The following GATB variants were observed in gnomAD, a reference collection of about 807,000 sequenced individuals.
The protein encoded by GATB is glutamyl-tRNA amidotransferase subunit B, also known as glutamyl-tRNA(Gln) amidotransferase subunit B, mitochondrial.
Under a neutral mutation model 62.3 loss-of-function variants are expected in GATB, and 39 were observed. That is an observed-to-expected ratio of 0.63 (90% CI 0.48 to 0.82). GATB has a LOEUF of 0.82. Ranked by LOEUF, GATB falls within the 40% of genes least tolerant of loss-of-function variation. GATB has a pLI of 0.00. For missense variants in GATB, 670 were observed against 684.0 expected, an observed-to-expected ratio of 0.98 and a Z score of 0.23; for synonymous variants, 276 against 258.9, an observed-to-expected ratio of 1.07 and a Z score of -0.63.
chr4:151,757,744 T>C (rs1171786453), intron 2 of GATB, among the ~76,000 whole-genome samples: 1 of 152,090 alleles, frequency 6.6e-6, no homozygotes, highest in Non-Finnish European at 1.5e-5. Context: ...TCCAAAGTGC[T>C]GGGATTACAG....
At chr4:151,716,570 G>A (rs1016827656) in intron 4 of GATB, among the ~76,000 whole-genome samples, 3 of 152,074 alleles carry the variant, frequency 2.0e-5, no homozygotes, top group Admixed American at 6.5e-5. Context: ...TAGGCTCCAC[G>A]TTTTGATTTT....
intron 9 of GATB, among the ~76,000 whole-genome samples, chr4:151,688,985 A>G (rs1738309785): frequency 6.6e-6 from 1 of 152,192 alleles, no homozygotes; most frequent in East Asian, 1.9e-4. Context: ...TCAAAAGGAT[A>G]AACACATTTT....
chr4:151,716,272 C>A (rs1038679753), intron 4 of GATB, 141 bp from the exon 5 acceptor site: 2 of 809,450 alleles, frequency 2.5e-6, no homozygotes, highest in African/African-American at 1.8e-5. Context: ...TCTCTTCCCT[C>A]CCACCTTTTT....
At chr4:151,702,824 A>T (rs1234402310) in intron 8 of GATB, among the ~76,000 whole-genome samples, 1 of 152,108 alleles carries the variant, frequency 6.6e-6, no homozygotes, top group Non-Finnish European at 1.5e-5. Context: ...TATTCAGAAG[A>T]AGTGGTGGTT....
chr4:151,747,889 G>A (rs1205836588), intron 2 of GATB, among the ~76,000 whole-genome samples: 2 of 152,130 alleles, frequency 1.3e-5, no homozygotes, highest in East Asian at 3.8e-4. Context: ...AACACAGGAA[G>A]AAAACGGTGC....
intron 6 of GATB, among the ~76,000 whole-genome samples, chr4:151,706,795 C>T (rs1488616091): frequency 6.6e-6 from 1 of 152,226 alleles, no homozygotes; most frequent in Admixed American, 6.5e-5. Context: ...ATTTTGGCTA[C>T]AGCAAAACTT....
At chr4:151,732,187 C>G (rs1422261965) in intron 2 of GATB, among the ~76,000 whole-genome samples, 4 of 151,566 alleles carry the variant, frequency 2.6e-5, no homozygotes, top group African/African-American at 7.3e-5. Context: ...AGTGAGGAGC[C>G]CCTCTGCCTG....
rs1739894685 is a variant in GATB, at chr4:151,758,924, TAAG to T, written c.177-5_177-3del. The T allele has an allele frequency of 6.3e-7, 1 of 1,596,746 alleles. No individual in the cohort carries two copies. The highest frequency in any genetic ancestry group is 1.8e-5 in the Admixed American group (1 of 57,082). On this transcript the variant is annotated splice_region_variant and splice_polypyrimidine_tract_variant and intron_variant, in intron 1 of 12. Coordinates refer to ENST00000263985, the MANE Select transcript of GATB (RefSeq NM_004564.3). ...ACCACAGCAGCCCATTTGTGTTCAC[TAAG>T]AAGAAAGAGATAATGGTTAAGATGT...
intron 5 of GATB, among the ~76,000 whole-genome samples, chr4:151,710,009 G>A (rs1370490111): frequency 2.0e-5 from 3 of 152,100 alleles, no homozygotes; most frequent in Non-Finnish European, 4.4e-5. Flanking sequence ...CAGAGCTACT[G>A]TCCCTCTCCT....
intron 2 of GATB, among the ~76,000 whole-genome samples, chr4:151,752,255 T>C (rs888415662): frequency 2.6e-5 from 4 of 152,328 alleles, no homozygotes; most frequent in African/African-American, 9.6e-5. Context: ...CTCAGTGTTA[T>C]TAAGTTTCTT....
intron 2 of GATB, among the ~76,000 whole-genome samples, chr4:151,742,448 C>T (rs1279103084): frequency 6.6e-6 from 1 of 152,232 alleles, no homozygotes; most frequent in African/African-American, 2.4e-5. Context: ...GGTGCCTTCC[C>T]TGCTCCATTC....
At chr4:151,719,317 G>A (rs1738979585) in intron 3 of GATB, 108 bp downstream of exon 3, 1 of 765,706 alleles carries the variant, frequency 1.3e-6, no homozygotes, top group South Asian at 1.6e-5. Context: ...ACACAGTGCT[G>A]GCTGAAAACA....
intron 3 of GATB, among the ~76,000 whole-genome samples, chr4:151,717,646 C>T (rs1379381685): frequency 6.6e-6 from 1 of 152,176 alleles, no homozygotes; most frequent in Non-Finnish European, 1.5e-5. Context: ...AATGCTGTGA[C>T]ACTCCCCCTC....
chr4:151,711,151 A>G (rs1008667103), intron 5 of GATB, among the ~76,000 whole-genome samples: 2 of 152,230 alleles, frequency 1.3e-5, no homozygotes, highest in African/African-American at 2.4e-5. Flanking sequence ...CTTCACTGCC[A>G]CCAGTGCTGT....
At chr4:151,675,967 G>A (rs566848906) in intron 11 of GATB, 1 of 152,332 alleles carries the variant, frequency 6.6e-6, no homozygotes, top group South Asian at 2.1e-4. Context: ...CAAGACTCTA[G>A]CCTCTCCCTG....
chr4:151,703,632 GT>G (rs1738650228), intron 8 of GATB: 5 of 575,994 alleles, frequency 8.7e-6, no homozygotes, highest in African/African-American at 3.7e-5. Context: ...AGCTGAATCA[GT>G]CAAACAAGGC....
At chr4:151,701,634 A>G (rs1738609767) in intron 8 of GATB, 116 bp from the exon 9 acceptor site, 1 of 741,504 alleles carries the variant, frequency 1.3e-6, no homozygotes, top group Admixed American at 4.1e-5. Context: ...ACTTGCAAAT[A>G]TTTTCAAATG....
At chr4:151,747,410 T>C (rs1403903097) in intron 2 of GATB, among the ~76,000 whole-genome samples, 1 of 152,202 alleles carries the variant, frequency 6.6e-6, no homozygotes, top group East Asian at 1.9e-4. Context: ...CCCTTGACCC[T>C]GTGCCTGGCT....
chr4:151,689,220 C>A (rs1218349004), intron 9 of GATB, among the ~76,000 whole-genome samples: 1 of 152,174 alleles, frequency 6.6e-6, no homozygotes, highest in Admixed American at 6.5e-5. Flanking sequence ...AAAGCAAAAT[C>A]AAGAAAGAAC....
Sources: gnomAD v4.1 joint callset for allele counts (sites outside exome capture counted in the v4.1 genomes callset) on GRCh38, gnomAD v4.1.1 for gene constraint, MANE v1.5 for transcripts, NCBI Gene and HGNC (gene_info 2026-07-23, HGNC 2026-07-21) for gene names.